The following RPS6KC1 variants were observed in gnomAD, a reference collection of about 807,000 sequenced individuals.
RPS6KC1 encodes inactive ribosomal protein S6 kinase delta-1.
A neutral mutation model predicts 103.8 loss-of-function variants in RPS6KC1; 54 were observed. The ratio of observed to expected loss-of-function variants is 0.52; its 90% CI spans 0.42 to 0.65. RPS6KC1 has a LOEUF of 0.65. RPS6KC1 is among the 30% of genes least tolerant of loss of function. The pLI, the probability that RPS6KC1 is intolerant of heterozygous loss-of-function variation, is 0.00. For missense variants in RPS6KC1, 1,151 were observed against 1,253.8 expected (o/e 0.92, Z 1.24); for synonymous variants, 439 against 438.7 (o/e 1.00, Z -0.01).
chr1:213,622,611 G>C, the RPS6KC1 span, among the ~76,000 whole-genome samples: 1 of 151,978 alleles, frequency 6.6e-6, no homozygotes, highest in African/African-American at 2.4e-5. Context: ...CACTCTCTCT[G>C]AATACCAGCG....
the RPS6KC1 span, among the ~76,000 whole-genome samples, chr1:213,620,683 C>A: frequency 6.6e-6 from 1 of 152,180 alleles, no homozygotes; most frequent in Admixed American, 6.5e-5. Context: ...CCCTCAATAA[C>A]CCTGACATAG....
At chr1:213,253,862 A>T (rs142221198) in intron 12 of RPS6KC1, among the ~76,000 whole-genome samples, 1 of 152,004 alleles carries the variant, frequency 6.6e-6, no homozygotes, top group East Asian at 1.9e-4. Context: ...TACTTTTGGG[A>T]GCCAAGCTTA....
chr1:213,718,733 A>C, the RPS6KC1 span, among the ~76,000 whole-genome samples: 11 of 152,178 alleles, frequency 7.2e-5, no homozygotes, highest in Non-Finnish European at 1.6e-4. Flanking sequence ...GCTTGTTCTC[A>C]TCCAGCACTG....
intron 12 of RPS6KC1, among the ~76,000 whole-genome samples, chr1:213,250,636 C>T (rs1195699397): frequency 6.6e-6 from 1 of 152,136 alleles, no homozygotes; most frequent in Non-Finnish European, 1.5e-5. Context: ...ATTTCAAGTA[C>T]AAGGTCCCTG....
At chr1:213,362,835 A>C in the RPS6KC1 span, among the ~76,000 whole-genome samples, 1 of 152,166 alleles carries the variant, frequency 6.6e-6, no homozygotes, top group African/African-American at 2.4e-5. Context: ...TTAATAGAAG[A>C]AAAAATACTG....
chr1:213,504,438 A>G, the RPS6KC1 span, among the ~76,000 whole-genome samples: 6 of 151,992 alleles, frequency 3.9e-5, no homozygotes, highest in South Asian at 2.1e-4. Flanking sequence ...ATCCAGATGT[A>G]TTGTTCTCTA....
At chr1:213,125,586 T>G (rs1411465285) in intron 5 of RPS6KC1, among the ~76,000 whole-genome samples, 2 of 151,626 alleles carry the variant, frequency 1.3e-5, no homozygotes, top group African/African-American at 2.4e-5. Flanking sequence ...TCTCTTTGCT[T>G]CTTCTGGTTT....
chr1:213,130,816 T>C (rs1046985996), intron 6 of RPS6KC1, among the ~76,000 whole-genome samples: 1 of 152,224 alleles, frequency 6.6e-6, no homozygotes, highest in African/African-American at 2.4e-5. Context: ...TCACTCCCAT[T>C]TCCTAATGCC....
chr1:213,136,581 T>C (rs534281167), intron 6 of RPS6KC1, among the ~76,000 whole-genome samples: 1 of 152,358 alleles, frequency 6.6e-6, no homozygotes, highest in East Asian at 1.9e-4. Flanking sequence ...TGGTTGTTCA[T>C]GTGTGTTCTC....
At chr1:213,668,642 T>C in the RPS6KC1 span, among the ~76,000 whole-genome samples, 585 of 152,258 alleles carry the variant, frequency 3.8e-3, 2 homozygotes, top group Non-Finnish European at 5.5e-3. Flanking sequence ...GCCTATCTTT[T>C]GAAGCTTTCA....
chr1:213,517,881 T>A, the RPS6KC1 span, among the ~76,000 whole-genome samples: 1 of 152,194 alleles, frequency 6.6e-6, no homozygotes, highest in African/African-American at 2.4e-5. Context: ...TTCGTAGGTG[T>A]CTAAGGACTT....
At chr1:213,121,933 G>C (rs917975449) in intron 5 of RPS6KC1, among the ~76,000 whole-genome samples, 1 of 151,638 alleles carries the variant, frequency 6.6e-6, no homozygotes, top group Non-Finnish European at 1.5e-5. Context: ...ACCTTTTTTT[G>C]GCTGGAAATT....
the RPS6KC1 span, among the ~76,000 whole-genome samples, chr1:213,377,409 G>A: frequency 6.6e-6 from 1 of 152,168 alleles, no homozygotes; most frequent in East Asian, 1.9e-4. Flanking sequence ...CAGATTCACT[G>A]GTCATTTAGA....
At position 213,071,165 on chromosome 1, in the gene RPS6KC1, T is replaced by C. The variant is rs145976368; in HGVS notation, c.141+124T>C. ...TTTTTTTGAGACGGAGTTTCGCTCCTGTTGCTCAGGCTGGAGTGCAGTGGC... is the reference window on the plus strand; with the variant it reads ...TTTTTTTGAGACGGAGTTTCGCTCCCGTTGCTCAGGCTGGAGTGCAGTGGC... On this transcript the variant is annotated intron_variant, in intron 2 of 14. Coordinates refer to ENST00000366960, the MANE Select transcript of RPS6KC1 (RefSeq NM_012424.6). 197 of 560,992 alleles carry C rather than the reference T, an allele frequency of 3.5e-4. 1 individual carries two copies. The African/African-American group carries it at 3.7e-3, about 11-fold the overall frequency. The allele number at this position is 560,992 out of a possible 1,614,324, so 34.8% of individuals were successfully genotyped here.
At chr1:213,405,029 C>T in the RPS6KC1 span, among the ~76,000 whole-genome samples, 43 of 152,312 alleles carry the variant, frequency 2.8e-4, no homozygotes, top group African/African-American at 7.7e-4. Context: ...ATCCCTCTTT[C>T]GGCTCTATCT....
At chr1:213,517,501 A>G in the RPS6KC1 span, among the ~76,000 whole-genome samples, 1 of 152,204 alleles carries the variant, frequency 6.6e-6, no homozygotes, top group African/African-American at 2.4e-5. Context: ...GTAGTCATTC[A>G]GGAGCAGGTT....
intron 10 of RPS6KC1, 133 bp from the exon 11 acceptor site, chr1:213,240,569 C>G (rs1573534759): frequency 1.4e-6 from 1 of 729,912 alleles, no homozygotes; most frequent in Middle Eastern, 3.8e-4. Flanking sequence ...TATCTTATGG[C>G]ACACGATATT....
At chr1:213,328,504 C>CTATA in the RPS6KC1 span, among the ~76,000 whole-genome samples, 5,718 of 100,464 alleles carry the variant, frequency 0.057, 299 homozygotes, top group Middle Eastern at 0.095. Flanking sequence ...AGCCATTATA[C>CTATA]TATATATATA....
chr1:213,388,262 G>A, the RPS6KC1 span, among the ~76,000 whole-genome samples: 1 of 152,230 alleles, frequency 6.6e-6, no homozygotes, highest in Non-Finnish European at 1.5e-5. Context: ...CTTGGACGGG[G>A]GAAGTCATTG....
Sources: gnomAD v4.1 joint callset for allele counts (sites outside exome capture counted in the v4.1 genomes callset) on GRCh38, gnomAD v4.1.1 for gene constraint, MANE v1.5 for transcripts, NCBI Gene and HGNC (gene_info 2026-07-23, HGNC 2026-07-21) for gene names.